The following MYO5B variants were observed in gnomAD, a reference collection of about 807,000 sequenced individuals.
MYO5B encodes the protein myosin VB, also known as unconventional myosin-Vb.
In MYO5B, 143 loss-of-function variants were observed where a neutral mutation model predicts 229.3. The observed-to-expected ratio is 0.62, with a 90% CI of 0.54 to 0.72. The LOEUF is 0.72. Ranked by LOEUF, MYO5B falls within the 30% of genes least tolerant of loss-of-function variation. The probability of loss-of-function intolerance (pLI) is 0.00; values close to 1 mark genes in which losing one functional copy is unlikely to be tolerated. For synonymous variants in MYO5B, 918 were observed against 885.2 expected (o/e 1.04, Z -0.66); for missense variants, 2,321 against 2,331.0 (o/e 1.00, Z 0.09).
At chr18:49,931,541 G>GT (rs549804983) in intron 16 of MYO5B, among the ~76,000 whole-genome samples, 97 of 152,328 alleles carry the variant, frequency 6.4e-4, no homozygotes, top group Admixed American at 1.2e-3. Flanking sequence ...AAGCCCCTTA[G>GT]TGCGAGGGCC....
chr18:49,929,023 C>T (rs1454498118), intron 17 of MYO5B, among the ~76,000 whole-genome samples: 1 of 152,152 alleles, frequency 6.6e-6, no homozygotes, highest in East Asian at 1.9e-4. Flanking sequence ...GTGTATACTG[C>T]TTGGGTGATG....
intron 22 of MYO5B, among the ~76,000 whole-genome samples, chr18:49,891,233 C>A (rs74941385): frequency 6.6e-6 from 1 of 152,148 alleles, no homozygotes; most frequent in African/African-American, 2.4e-5. Context: ...ATCCCCAAAT[C>A]GCCTTGGCTT....
chr18:49,935,289 A>C (rs954112074), intron 16 of MYO5B, among the ~76,000 whole-genome samples: 1 of 152,220 alleles, frequency 6.6e-6, no homozygotes, highest in Non-Finnish European at 1.5e-5. Flanking sequence ...AAAATGAAAT[A>C]AAATTCAGAA....
intron 14 of MYO5B, among the ~76,000 whole-genome samples, chr18:49,940,820 C>G (rs907935460): frequency 2.0e-5 from 3 of 152,230 alleles, no homozygotes; most frequent in Admixed American, 6.5e-5. Context: ...AGTGTGCCCA[C>G]CTGCACATAC....
At chr18:49,839,052 T>C in intron 36 of MYO5B, 92 bp downstream of exon 36, 3 of 1,516,284 alleles carry the variant, frequency 2.0e-6, no homozygotes, top group Non-Finnish European at 1.8e-6. Flanking sequence ...GGCTAAGATA[T>C]CTGGTTCCCG....
chr18:49,856,931 C>A, intron 29 of MYO5B, 41 bp from the exon 30 acceptor site: 1 of 1,539,972 alleles, frequency 6.5e-7, no homozygotes, highest in Non-Finnish European at 9.0e-7. Context: ...CCAGTGTAGA[C>A]GGAAGAGACA....
At chr18:50,123,968 G>A (rs1421648788) in intron 1 of MYO5B, among the ~76,000 whole-genome samples, 1 of 152,166 alleles carries the variant, frequency 6.6e-6, no homozygotes, top group Non-Finnish European at 1.5e-5. Context: ...CCCAGTCAAA[G>A]CTCAGTGAGT....
intron 31 of MYO5B, 114 bp from the exon 32 acceptor site, chr18:49,849,774 A>C: frequency 1.2e-6 from 1 of 815,318 alleles, no homozygotes; most frequent in Non-Finnish European, 2.1e-6. Context: ...AGCCGTCAGA[A>C]ATGCGCCAGT....
intron 39 of MYO5B, among the ~76,000 whole-genome samples, chr18:49,827,105 C>T (rs2023856504): frequency 6.6e-6 from 1 of 152,168 alleles, no homozygotes; most frequent in Non-Finnish European, 1.5e-5. Flanking sequence ...TTGGTCCCTC[C>T]ACTGAAGCTA....
At chr18:49,862,855 A>C in intron 29 of MYO5B, among the ~76,000 whole-genome samples, 1 of 152,078 alleles carries the variant, frequency 6.6e-6, no homozygotes, top group East Asian at 1.9e-4. Flanking sequence ...AGGGCATTGC[A>C]GCAGATGGCT....
intron 1 of MYO5B, among the ~76,000 whole-genome samples, chr18:50,194,336 C>G (rs1020378461): frequency 3.3e-5 from 5 of 152,148 alleles, no homozygotes; most frequent in Non-Finnish European, 7.4e-5. Flanking sequence ...CCGCAGAGCC[C>G]CTGGGGTGGG....
intron 22 of MYO5B, among the ~76,000 whole-genome samples, chr18:49,886,264 C>T (rs527714175): frequency 1.3e-5 from 2 of 152,282 alleles, no homozygotes; most frequent in South Asian, 4.2e-4. Flanking sequence ...AGTCTAGAAC[C>T]CCTTCAAATT....
chr18:50,145,365 T>G (rs536924323), intron 1 of MYO5B, among the ~76,000 whole-genome samples: 1 of 151,668 alleles, frequency 6.6e-6, no homozygotes, highest in Non-Finnish European at 1.5e-5. Context: ...TGGGCACCAA[T>G]AGTCCCAGCT....
chr18:50,114,106 G>A (rs1368940004), intron 1 of MYO5B, among the ~76,000 whole-genome samples: 13 of 151,982 alleles, frequency 8.6e-5, no homozygotes, highest in African/African-American at 2.2e-4. Context: ...GCTTAATGTC[G>A]GCCCTGTAAG....
intron 2 of MYO5B, among the ~76,000 whole-genome samples, chr18:50,041,021 C>G (rs1422290180): frequency 6.6e-6 from 1 of 152,158 alleles, no homozygotes; most frequent in Non-Finnish European, 1.5e-5. Context: ...ACATGTACAT[C>G]TAACACAGGT....
At chr18:50,016,065 A>G (rs555285942) in intron 4 of MYO5B, among the ~76,000 whole-genome samples, 1 of 152,354 alleles carries the variant, frequency 6.6e-6, no homozygotes, top group Non-Finnish European at 1.5e-5. Flanking sequence ...GAGAAGTGAC[A>G]CAGGGAAAGG....
At chr18:50,110,305 C>T (rs1205599622) in intron 1 of MYO5B, among the ~76,000 whole-genome samples, 4 of 152,114 alleles carry the variant, frequency 2.6e-5, no homozygotes, top group African/African-American at 7.2e-5. Flanking sequence ...GCCCTAAATA[C>T]TTTATCCTGC....
At chr18:49,851,126 G>T (rs2024195656) in intron 31 of MYO5B, 1 of 152,196 alleles carries the variant, frequency 6.6e-6, no homozygotes, top group Non-Finnish European at 1.5e-5. Flanking sequence ...CCTATTTGCA[G>T]CATCTTATAC....
chr18:49,903,126 G>A (rs140950665), intron 20 of MYO5B, among the ~76,000 whole-genome samples: 20 of 152,254 alleles, frequency 1.3e-4, no homozygotes, highest in African/African-American at 4.3e-4. Context: ...AAGGTTGTAG[G>A]GGCCTAATGA....
Sources: allele counts gnomAD v4.1 joint callset (sites outside exome capture counted in the v4.1 genomes callset), GRCh38; gene constraint gnomAD v4.1.1; transcripts MANE v1.5; gene names NCBI Gene and HGNC (gene_info 2026-07-23, HGNC 2026-07-21).